Variants in PARPBP observed in about 807,000 individuals in gnomAD.
PARPBP encodes PCNA-interacting partner.
Under a neutral mutation model 50.0 loss-of-function variants are expected in PARPBP, and 52 were observed. The observed-to-expected ratio is 1.04, with a 90% CI of 0.83 to 1.31. The LOEUF (loss-of-function observed/expected upper bound fraction) is 1.31, where lower values mean the gene tolerates loss of function less well. Among genes scored for constraint, PARPBP ranks in the 50% most tolerant of loss-of-function variants. The probability of loss-of-function intolerance (pLI) is 0.00; values close to 1 mark genes in which losing one functional copy is unlikely to be tolerated. For missense variants in PARPBP, 697 were observed against 672.0 expected, an observed-to-expected ratio of 1.04 and a Z score of -0.41; for synonymous variants, 244 against 232.1, an observed-to-expected ratio of 1.05 and a Z score of -0.47.
chr12:102,163,484 A>C (rs1422754232), intron 4 of PARPBP, among the ~76,000 whole-genome samples: 1 of 152,098 alleles, frequency 6.6e-6, no homozygotes, highest in Non-Finnish European at 1.5e-5. Context: ...AATGTTTTCT[A>C]CTAAATTTGG....
At chr12:102,180,268 C>G (rs1217987167) in intron 8 of PARPBP, among the ~76,000 whole-genome samples, 1 of 152,142 alleles carries the variant, frequency 6.6e-6, no homozygotes, top group Admixed American at 6.6e-5. Context: ...TTTCATCTTA[C>G]TTCTGTTTAA....
chr12:102,193,907 C>T (rs1225259259), intron 9 of PARPBP, among the ~76,000 whole-genome samples: 5 of 151,892 alleles, frequency 3.3e-5, no homozygotes, highest in East Asian at 1.9e-4. Context: ...TATATTTTCA[C>T]GTTTATTTTC....
chr12:102,195,236 G>C (rs1180954120), intron 9 of PARPBP, 76 bp from the exon 10 acceptor site: 1 of 887,542 alleles, frequency 1.1e-6, no homozygotes, highest in Admixed American at 2.5e-5. Context: ...GATTACTATA[G>C]AGTGTGTGTC....
At chr12:102,137,408 CAT>C (rs908596965) in intron 2 of PARPBP, among the ~76,000 whole-genome samples, 39 of 151,996 alleles carry the variant, frequency 2.6e-4, no homozygotes, top group Non-Finnish European at 5.6e-4. Context: ...AAAGAAAAGA[CAT>C]ATTGAAATAC....
intron 2 of PARPBP, among the ~76,000 whole-genome samples, chr12:102,132,038 T>C (rs1178505052): frequency 1.3e-5 from 2 of 152,108 alleles, no homozygotes; most frequent in Non-Finnish European, 1.5e-5. Flanking sequence ...ACCCCATCTC[T>C]ACTAAAAATA....
At chr12:102,140,450 A>AT (rs546476848) in intron 2 of PARPBP, among the ~76,000 whole-genome samples, 120 of 151,912 alleles carry the variant, frequency 7.9e-4, no homozygotes, top group Non-Finnish European at 1.2e-3. Flanking sequence ...GGGTTCATTG[A>AT]TTTTTTGGAG....
chr12:102,196,346 A>G lies in PARPBP; in HGVS notation c.*55A>G, dbSNP rs1891318622. On this transcript the variant is annotated 3_prime_UTR_variant, in exon 11 of 11. Transcript: ENST00000327680. ...TATCTATAAACCATTCACCAAAGAC[A>G]TGCTTAATTTTTAAGAGATCAAGGT... 1 of 1,165,984 alleles carries G rather than the reference A, an allele frequency of 8.6e-7. No individual in the cohort carries two copies. Among genetic ancestry groups the G allele is most frequent in the South Asian group, 1.5e-5 (1 of 65,944 alleles). 72.2% of individuals were successfully genotyped at this position (1,165,984 alleles called of 1,614,324 possible). A position where few individuals can be genotyped will look rare whatever the true frequency, so the allele number is the denominator to read the frequency against.
intron 9 of PARPBP, among the ~76,000 whole-genome samples, chr12:102,190,578 G>A (rs1890702829): frequency 1.3e-5 from 2 of 152,042 alleles, no homozygotes; most frequent in African/African-American, 4.8e-5. Flanking sequence ...GAGGCTAAAG[G>A]AAGAGGCCAG....
chr12:102,148,805 G>T lies in PARPBP; in HGVS notation c.387+342G>T, dbSNP rs562582513. ...CACTTTCTTGATTTAATGTGCATCT[G>T]TTCATTTGGCATATGTTGGATAAAT... On this transcript the variant is annotated intron_variant, in intron 3 of 10. Coordinates refer to ENST00000327680, the MANE Select transcript of PARPBP (RefSeq NM_017915.5). 9.3e-5 allele frequency: 18 copies of T among 193,426 alleles called. No individual in the cohort carries two copies. In the East Asian group the frequency reaches 2.4e-3, roughly 26 times the overall value. The allele number at this position is 193,426 out of a possible 1,614,324, so 12.0% of individuals were successfully genotyped here. A position where few individuals can be genotyped will look rare whatever the true frequency, so the allele number is the denominator to read the frequency against.
chr12:102,165,710 C>T lies in PARPBP; in HGVS notation c.667-19C>T, dbSNP rs369405127. ...AATAAATCACTGGACATAACTTATC[C>T]GTTTGTTTTAATTCATAGGTGGCCA... is the stretch of plus-strand genomic sequence containing the variant. On this transcript the variant is annotated intron_variant, in intron 5 of 10. Coordinates refer to ENST00000327680, the MANE Select transcript of PARPBP (RefSeq NM_017915.5). 24 of 1,577,536 alleles carry T rather than the reference C, an allele frequency of 1.5e-5. No individual in the cohort carries two copies. Among genetic ancestry groups the T allele is most frequent in the Middle Eastern group, 1.7e-4 (1 of 6,006 alleles).
At chr12:102,142,957 G>A (rs1884846503) in intron 2 of PARPBP, among the ~76,000 whole-genome samples, 1 of 152,204 alleles carries the variant, frequency 6.6e-6, no homozygotes, top group African/African-American at 2.4e-5. Flanking sequence ...ACTTGAGGAG[G>A]CAGTCTGTCC....
chr12:102,132,692 A>G (rs1387159620), intron 2 of PARPBP, among the ~76,000 whole-genome samples: 3 of 152,204 alleles, frequency 2.0e-5, no homozygotes, highest in Non-Finnish European at 4.4e-5. Flanking sequence ...TCTGTCAAAA[A>G]TGGCACTGGA....
Position 102,175,663 on chromosome 12 carries a change from T to C in PARPBP, c.1002T>C (p.Ala334=). The C allele has an allele frequency of 6.3e-7, 1 of 1,585,992 alleles. No individual in the cohort carries two copies. Among genetic ancestry groups the C allele is most frequent in the Non-Finnish European group, 8.6e-7 (1 of 1,163,960 alleles). The change falls in exon 7 of 11, where the codon GCT becomes GCC. Residue 334 remains alanine (A), a synonymous_variant. Coordinates refer to ENST00000327680, the MANE Select transcript of PARPBP (RefSeq NM_017915.5). ...VALSTTDISP[A]RPKSHAINHG... The stretch of plus-strand genomic sequence containing the variant: ...TTAGCACCACTGACATCAGTCCTGC[T>C]CGGGTAATGAGCTTTTTATTTTTCA...
chr12:102,153,732 T>A, intron 3 of PARPBP, 137 bp from the exon 4 acceptor site: 2 of 576,388 alleles, frequency 3.5e-6, no homozygotes, highest in Non-Finnish European at 6.2e-6. Flanking sequence ...TTTAATTATA[T>A]GTATTCTTAA....
At chr12:102,153,064 G>A (rs1233361867) in intron 3 of PARPBP, among the ~76,000 whole-genome samples, 2 of 152,068 alleles carry the variant, frequency 1.3e-5, no homozygotes, top group Non-Finnish European at 2.9e-5. Flanking sequence ...AACAAAAGCA[G>A]ATAGCACCGT....
chr12:102,151,997 G>T (rs899146093), intron 3 of PARPBP: 10 of 538,752 alleles, frequency 1.9e-5, no homozygotes, highest in Non-Finnish European at 3.0e-5. Flanking sequence ...TACAGAGCTA[G>T]ATTTTATTTT....
At chr12:102,155,314 T>C (rs932206947) in intron 4 of PARPBP, 1 of 152,818 alleles carries the variant, frequency 6.5e-6, no homozygotes, top group African/African-American at 2.4e-5. Flanking sequence ...AAAAAAACCA[T>C]ATATAACCAA....
At chr12:102,170,434 G>A (rs1888574728) in intron 6 of PARPBP, among the ~76,000 whole-genome samples, 1 of 152,204 alleles carries the variant, frequency 6.6e-6, no homozygotes, top group Non-Finnish European at 1.5e-5. Context: ...AACCTGTATG[G>A]CCTGTTACTG....
chr12:102,123,794 G>A, intron 1 of PARPBP, 92 bp from the exon 2 acceptor site: 1 of 750,362 alleles, frequency 1.3e-6, no homozygotes, highest in Admixed American at 3.0e-5. Flanking sequence ...TTCACTATAT[G>A]TTTTTCTCTA....
Sources: gnomAD v4.1 joint callset for allele counts (sites outside exome capture counted in the v4.1 genomes callset) on GRCh38, gnomAD v4.1.1 for gene constraint, MANE v1.5 for transcripts, NCBI Gene and HGNC (gene_info 2026-07-23, HGNC 2026-07-21) for gene names.